The following ZNF654 variants were observed in gnomAD, a reference collection of about 807,000 sequenced individuals.
The protein encoded by ZNF654 is zinc finger protein 654.
Under a neutral mutation model 95.3 loss-of-function variants are expected in ZNF654, and 19 were observed. The ratio of observed to expected loss-of-function variants is 0.20; its 90% CI spans 0.14 to 0.29. ZNF654 has a LOEUF of 0.29. Ranked by LOEUF, ZNF654 falls within the 10% of genes least tolerant of loss-of-function variation. The probability of loss-of-function intolerance (pLI) is 1.00; values close to 1 mark genes in which losing one functional copy is unlikely to be tolerated. For synonymous variants in ZNF654, 413 were observed against 457.9 expected (o/e 0.90, Z 1.25); for missense variants, 1,046 against 1,341.0 (o/e 0.78, Z 3.44).
In ZNF654 at chr3:88,140,371, C is replaced by T. The variant is rs1287183930; in HGVS notation, c.2702C>T (p.Ser901Phe). Residue 901 changes from serine to phenylalanine, a missense_variant, in exon 8 of 9, where the codon TCT (serine) becomes TTT (phenylalanine). Coordinates refer to ENST00000636215, the MANE Select transcript of ZNF654 (RefSeq NM_001350134.2). ...AATCCTAATCAGGAAAAAGACTCATCTAGTAATGAGAAACAAACTATTAGT... is the reference window on the plus strand; with the variant it reads ...AATCCTAATCAGGAAAAAGACTCATTTAGTAATGAGAAACAAACTATTAGT... ...DSNPNQEKDSSSNEKQTISLP... is the reference protein window; with the variant it reads ...DSNPNQEKDSFSNEKQTISLP... 2.5e-6 allele frequency: 4 copies of T among 1,613,036 alleles called. No individual in the cohort carries two copies. The South Asian group carries it at 4.4e-5, about 18-fold the overall frequency.
Position 88,140,297 on chromosome 3 carries a change from A to G in ZNF654, c.2628A>G (p.Ser876=). ...ACTATTTAAGTAAAACACCAGAGTCATCTGCACAACCAAGTGAAACAATTC... is the reference window on the plus strand; with the variant it reads ...ACTATTTAAGTAAAACACCAGAGTCGTCTGCACAACCAAGTGAAACAATTC... ...AQHYLSKTPE[S]SAQPSETILW... The change falls in exon 8 of 9, where the codon TCA becomes TCG. Residue 876 remains serine (S), a synonymous_variant. Coordinates refer to ENST00000636215, the MANE Select transcript of ZNF654 (RefSeq NM_001350134.2). The G allele has an allele frequency of 6.2e-7, 1 of 1,613,808 alleles. No homozygotes were observed. The highest frequency in any genetic ancestry group is 8.5e-7 in the Non-Finnish European group (1 of 1,179,776).
At chr3:88,086,170 A>G (rs1045122732) in intron 1 of ZNF654, 87 bp from the exon 2 acceptor site, 3 of 1,261,972 alleles carry the variant, frequency 2.4e-6, no homozygotes, top group African/African-American at 1.5e-5. Context: ...TAATATTTTA[A>G]TTTATCCAGT....
At chr3:88,089,837 T>C (rs1269465328) in intron 2 of ZNF654, among the ~76,000 whole-genome samples, 1 of 152,188 alleles carries the variant, frequency 6.6e-6, no homozygotes, top group Non-Finnish European at 1.5e-5. Context: ...GGCTAGTCCA[T>C]GGCTAGGGAA....
intron 2 of ZNF654, among the ~76,000 whole-genome samples, chr3:88,087,633 T>G (rs1420182733): frequency 2.0e-5 from 3 of 152,226 alleles, no homozygotes; most frequent in African/African-American, 7.2e-5. Context: ...CATCTGTTAT[T>G]TATTTATACC....
intron 4 of ZNF654, among the ~76,000 whole-genome samples, chr3:88,126,559 ATTTG>A (rs959071148): frequency 1.7e-4 from 25 of 149,876 alleles, no homozygotes; most frequent in African/African-American, 2.7e-4. Context: ...TATTATTAAA[ATTTG>A]TTTAAGTAGA....
At chr3:88,125,088 G>A (rs986723123) in intron 3 of ZNF654, among the ~76,000 whole-genome samples, 10 of 151,636 alleles carry the variant, frequency 6.6e-5, no homozygotes, top group Non-Finnish European at 1.2e-4. Flanking sequence ...GGTGACACGC[G>A]CCTGTAGTCC....
chr3:88,083,049 C>T (rs1337036601), intron 1 of ZNF654, among the ~76,000 whole-genome samples: 4 of 151,878 alleles, frequency 2.6e-5, no homozygotes, highest in African/African-American at 9.7e-5. Flanking sequence ...CTCACTCCTC[C>T]TCCCTCTTCC....
chr3:88,105,091 G>A (rs1358715639), intron 2 of ZNF654, among the ~76,000 whole-genome samples: 3 of 152,194 alleles, frequency 2.0e-5, no homozygotes, highest in Non-Finnish European at 2.9e-5. Flanking sequence ...AGTGAGCTGA[G>A]TTGCACCACT....
At chr3:88,110,659 T>C (rs1705034192) in intron 2 of ZNF654, among the ~76,000 whole-genome samples, 1 of 152,104 alleles carries the variant, frequency 6.6e-6, no homozygotes, top group Non-Finnish European at 1.5e-5. Context: ...GACTCATTCA[T>C]TCTGCACCCT....
chr3:88,132,604 CT>C (rs1188914810), intron 6 of ZNF654, among the ~76,000 whole-genome samples: 1 of 152,166 alleles, frequency 6.6e-6, no homozygotes, highest in Non-Finnish European at 1.5e-5. Context: ...AAGATTTCTG[CT>C]TTGCCTGCTT....
intron 2 of ZNF654, among the ~76,000 whole-genome samples, chr3:88,107,019 A>T (rs982132423): frequency 2.0e-5 from 3 of 152,210 alleles, no homozygotes; most frequent in African/African-American, 7.2e-5. Flanking sequence ...GAGGCTTTAC[A>T]AAATTGGCTG....
intron 1 of ZNF654, among the ~76,000 whole-genome samples, chr3:88,077,320 T>C (rs1439879722): frequency 1.3e-5 from 2 of 151,810 alleles, no homozygotes; most frequent in Non-Finnish European, 2.9e-5. Flanking sequence ...GAGAAAAAGT[T>C]GCAGACTTAA....
At chr3:88,092,698 ATAATT>A (rs1358725497) in intron 2 of ZNF654, among the ~76,000 whole-genome samples, 5 of 152,358 alleles carry the variant, frequency 3.3e-5, no homozygotes, top group East Asian at 3.9e-4. Flanking sequence ...ATGTTATAAA[ATAATT>A]TAAGGAGATT....
chr3:88,117,905 A>T (rs957593882), intron 3 of ZNF654, among the ~76,000 whole-genome samples: 2 of 151,806 alleles, frequency 1.3e-5, no homozygotes, highest in Admixed American at 1.3e-4. Flanking sequence ...CTGAGTTTTA[A>T]ATGTCTGGAA....
At chr3:88,085,613 T>G (rs1439081168) in intron 1 of ZNF654, among the ~76,000 whole-genome samples, 1 of 152,186 alleles carries the variant, frequency 6.6e-6, no homozygotes, top group Non-Finnish European at 1.5e-5. Context: ...TTCTCATAAA[T>G]TACCCCAATT....
At chr3:88,060,798 C>T (rs1706832924) in intron 1 of ZNF654, among the ~76,000 whole-genome samples, 1 of 152,026 alleles carries the variant, frequency 6.6e-6, no homozygotes, top group Admixed American at 6.5e-5. Flanking sequence ...TAAGGAATTT[C>T]TTTCAATGCT....
At chr3:88,108,386 A>T (rs1214359867) in intron 2 of ZNF654, among the ~76,000 whole-genome samples, 1 of 152,124 alleles carries the variant, frequency 6.6e-6, no homozygotes, top group Non-Finnish European at 1.5e-5. Context: ...AGTGACTCAT[A>T]CTATGGAAAA....
At chr3:88,109,140 C>CGTGTG (rs1156765246) in intron 2 of ZNF654, among the ~76,000 whole-genome samples, 1 of 76,074 alleles carries the variant, frequency 1.3e-5, no homozygotes, top group Non-Finnish European at 3.1e-5. Flanking sequence ...TAAGTGGGCA[C>CGTGTG]TAGTGTGTGT....
chr3:88,065,800 C>T (rs1170256180), intron 1 of ZNF654, among the ~76,000 whole-genome samples: 2 of 152,216 alleles, frequency 1.3e-5, no homozygotes, highest in South Asian at 4.1e-4. Context: ...CATCTAGGCT[C>T]ACTGCAACCT....
Sources: allele counts gnomAD v4.1 joint callset (sites outside exome capture counted in the v4.1 genomes callset), GRCh38; gene constraint gnomAD v4.1.1; transcripts MANE v1.5; gene names NCBI Gene and HGNC (gene_info 2026-07-23, HGNC 2026-07-21).